The following NBAS variants were observed in gnomAD, a reference collection of about 807,000 sequenced individuals.
The protein encoded by NBAS is NBAS subunit of NRZ tethering complex.
In NBAS, 219 loss-of-function variants were observed where a neutral mutation model predicts 302.5. The ratio of observed to expected loss-of-function variants is 0.72; its 90% CI spans 0.65 to 0.81. The LOEUF (loss-of-function observed/expected upper bound fraction) is 0.81, where lower values mean the gene tolerates loss of function less well. Among genes scored for constraint, NBAS ranks in the 30% least tolerant of loss-of-function variants. The pLI is 0.00. For synonymous variants in NBAS, 1,118 were observed against 1,021.6 expected, an observed-to-expected ratio of 1.09 and a Z score of -1.80; for missense variants, 2,932 against 2,841.6, an observed-to-expected ratio of 1.03 and a Z score of -0.72.
intron 7 of NBAS, among the ~76,000 whole-genome samples, chr2:15,537,347 C>T (rs1367096736): frequency 1.3e-5 from 2 of 152,202 alleles, no homozygotes; most frequent in African/African-American, 4.8e-5. Flanking sequence ...TGTAAACAGA[C>T]CTTATTAAAA....
the NBAS span, among the ~76,000 whole-genome samples, chr2:15,049,609 A>G: frequency 6.6e-6 from 1 of 152,222 alleles, no homozygotes; most frequent in South Asian, 2.1e-4. Flanking sequence ...AGGAAACTCA[A>G]GGCCATTTTC....
chr2:14,923,408 A>G, the NBAS span, among the ~76,000 whole-genome samples: 206 of 152,282 alleles, frequency 1.4e-3, no homozygotes, highest in African/African-American at 4.8e-3. Context: ...AAGAGGAGCT[A>G]AATGTGGTGG....
chr2:15,189,981 T>C (rs1665269856), intron 49 of NBAS, among the ~76,000 whole-genome samples: 1 of 152,174 alleles, frequency 6.6e-6, no homozygotes. Context: ...AGAAATTTCC[T>C]GGTGAAAATA....
Position 15,167,337 on chromosome 2 carries a change from G to A in NBAS, c.6841-14C>T. ...GGAATCATTCACCTTCAAGAAATAA[G>A]ACAGGCACAGCGTGAGGGGGTGTTT... On this transcript the variant is annotated splice_polypyrimidine_tract_variant and intron_variant, in intron 51 of 51. Transcript: ENST00000281513. 6.2e-7 allele frequency: 1 copy of A among 1,614,100 alleles called. No individual in the cohort carries two copies. The highest frequency in any genetic ancestry group is 8.5e-7 in the Non-Finnish European group (1 of 1,179,994).
At chr2:15,375,394 C>T (rs777260545) in intron 30 of NBAS, among the ~76,000 whole-genome samples, 26 of 152,134 alleles carry the variant, frequency 1.7e-4, no homozygotes, top group Non-Finnish European at 3.2e-4. Context: ...TTTAGAGGAA[C>T]ATTGGAATGT....
chr2:15,320,693 G>A (rs963500753), intron 38 of NBAS, among the ~76,000 whole-genome samples: 6 of 152,220 alleles, frequency 3.9e-5, no homozygotes, highest in African/African-American at 1.4e-4. Context: ...ATTTACAAGG[G>A]ATGTGAAGGG....
chr2:15,334,756 T>C (rs1672502791), intron 35 of NBAS, among the ~76,000 whole-genome samples: 1 of 152,188 alleles, frequency 6.6e-6, no homozygotes, highest in South Asian at 2.1e-4. Flanking sequence ...ATCCATGGTA[T>C]CCTCTTTAAA....
the NBAS span, among the ~76,000 whole-genome samples, chr2:14,798,903 C>T: frequency 5.3e-5 from 8 of 152,156 alleles, no homozygotes; most frequent in South Asian, 2.1e-4. Context: ...GTAGAATCTA[C>T]AGTAATGTCA....
chr2:15,270,481 T>C (rs765949797), intron 44 of NBAS, among the ~76,000 whole-genome samples: 1 of 152,210 alleles, frequency 6.6e-6, no homozygotes, highest in African/African-American at 2.4e-5. Flanking sequence ...ACTTCTAATA[T>C]GATAAATATT....
At chr2:15,045,955 C>T in the NBAS span, among the ~76,000 whole-genome samples, 1 of 152,212 alleles carries the variant, frequency 6.6e-6, no homozygotes, top group African/African-American at 2.4e-5. Flanking sequence ...AGACCCAGGG[C>T]TTCCCTGTGT....
intron 40 of NBAS, among the ~76,000 whole-genome samples, chr2:15,296,055 T>C (rs943017132): frequency 3.3e-5 from 5 of 152,134 alleles, no homozygotes; most frequent in African/African-American, 1.2e-4. Flanking sequence ...ACATAAACAA[T>C]TCACAGAAGG....
intron 31 of NBAS, among the ~76,000 whole-genome samples, chr2:15,372,510 C>T (rs1030514226): frequency 1.3e-5 from 2 of 152,174 alleles, no homozygotes; most frequent in Non-Finnish European, 2.9e-5. Context: ...TTCTAAATAT[C>T]TAGTTGTTTT....
intron 38 of NBAS, among the ~76,000 whole-genome samples, chr2:15,316,058 A>G (rs1382006760): frequency 6.6e-6 from 1 of 152,258 alleles, no homozygotes; most frequent in Non-Finnish European, 1.5e-5. Flanking sequence ...AACATGTAAT[A>G]CTGGCTAGAG....
At chr2:15,395,227 G>A (rs1369912446) in intron 27 of NBAS, among the ~76,000 whole-genome samples, 1 of 152,018 alleles carries the variant, frequency 6.6e-6, no homozygotes, top group Non-Finnish European at 1.5e-5. Context: ...AACCAGACAT[G>A]TGATGAAATA....
chr2:15,079,767 G>A, the NBAS span, among the ~76,000 whole-genome samples: 2 of 152,130 alleles, frequency 1.3e-5, no homozygotes, highest in Non-Finnish European at 2.9e-5. Context: ...TCACCATCCT[G>A]TGTTGCAACC....
intron 28 of NBAS, among the ~76,000 whole-genome samples, chr2:15,389,636 T>C (rs1189988862): frequency 6.6e-6 from 1 of 152,150 alleles, no homozygotes; most frequent in Non-Finnish European, 1.5e-5. Flanking sequence ...GATGTTCACA[T>C]TCAGAAAAGA....
intron 25 of NBAS, among the ~76,000 whole-genome samples, chr2:15,414,390 T>C (rs1676821237): frequency 6.6e-6 from 1 of 152,356 alleles, no homozygotes; most frequent in Middle Eastern, 3.4e-3. Context: ...ATCTAATGTT[T>C]TGAACCTCAC....
intron 21 of NBAS, among the ~76,000 whole-genome samples, chr2:15,439,174 G>A (rs141889555): frequency 4.6e-5 from 7 of 151,982 alleles, no homozygotes; most frequent in Non-Finnish European, 7.4e-5. Flanking sequence ...GCAGTGGCAG[G>A]CACCTGCAGT....
At chr2:15,436,686 C>T (rs770009559) in intron 21 of NBAS, among the ~76,000 whole-genome samples, 3 of 152,120 alleles carry the variant, frequency 2.0e-5, no homozygotes, top group Non-Finnish European at 2.9e-5. Flanking sequence ...AAATTGAAAC[C>T]TTCTGATGTT....
Sources: allele counts gnomAD v4.1 joint callset (sites outside exome capture counted in the v4.1 genomes callset), GRCh38; gene constraint gnomAD v4.1.1; transcripts MANE v1.5; gene names NCBI Gene and HGNC (gene_info 2026-07-23, HGNC 2026-07-21).